The following EXOC1 variants were observed in gnomAD, a reference collection of about 807,000 sequenced individuals.
The protein encoded by EXOC1 is SEC3-like 1.
Under a neutral mutation model 107.7 loss-of-function variants are expected in EXOC1, and 67 were observed. That is an observed-to-expected ratio of 0.62 (90% CI 0.51 to 0.76). EXOC1 has a LOEUF of 0.76. EXOC1 is among the 30% of genes least tolerant of loss of function. EXOC1 has a pLI of 0.00. For missense variants in EXOC1, 833 were observed against 1,055.7 expected (o/e 0.79, Z 2.92); for synonymous variants, 348 against 353.5 (o/e 0.98, Z 0.17).
chr4:55,883,736 A>G, intron 9 of EXOC1, 87 bp from the exon 10 acceptor site: 1 of 742,524 alleles, frequency 1.3e-6, no homozygotes, highest in Non-Finnish European at 2.1e-6. Flanking sequence ...GAAATTTAAA[A>G]CAAGCATGAA....
At chr4:55,870,568 C>A in intron 5 of EXOC1, 110 bp from the exon 6 acceptor site, 1 of 1,016,322 alleles carries the variant, frequency 9.8e-7, no homozygotes, top group Non-Finnish European at 1.5e-6. Context: ...ATGCTACTTT[C>A]AAGGAAATTT....
At position 55,892,677 on chromosome 4, in the gene EXOC1, C is replaced by T. The variant is rs780019089; in HGVS notation, c.1690C>T (p.His564Tyr). The T allele has an allele frequency of 1.2e-6, 2 of 1,614,086 alleles. No homozygotes were observed. Among genetic ancestry groups the T allele is most frequent in the Non-Finnish European group, 8.5e-7 (1 of 1,180,002 alleles). The change falls in exon 14 of 19, where the codon CAT becomes TAT. Residue 564 changes from histidine (H) to tyrosine (Y), a missense_variant. His to Tyr is a moderately conservative substitution (Grantham distance 83). Around this residue, in one of 2 missense-constraint regions of EXOC1, gnomAD observed 617 missense variants for 701.3 expected, o/e 0.88. Transcript: ENST00000381295. ...GGATGGAGGAACATTATCACGGCAA[C>T]ATAATTGTGGCACACCACTGCCTGT... Reference protein sequence around the residue: ...DLDGGTLSRQHNCGTPLPVSS... With the variant: ...DLDGGTLSRQYNCGTPLPVSS...
chr4:55,891,900 A>T (rs779831377), intron 13 of EXOC1, among the ~76,000 whole-genome samples: 1 of 152,190 alleles, frequency 6.6e-6, no homozygotes, highest in Non-Finnish European at 1.5e-5. Flanking sequence ...TAAGCCAGTT[A>T]TTCGATCCCC....
intron 8 of EXOC1, among the ~76,000 whole-genome samples, chr4:55,873,555 G>A (rs1232521303): frequency 6.6e-6 from 1 of 152,098 alleles, no homozygotes; most frequent in African/African-American, 2.4e-5. Flanking sequence ...GTTGTAACAT[G>A]CAGTTATTTA....
At chr4:55,868,304 A>T (rs1266719918) in intron 4 of EXOC1, 32 bp from the exon 5 acceptor site, 2 of 1,564,654 alleles carry the variant, frequency 1.3e-6, no homozygotes, top group Admixed American at 1.8e-5. Flanking sequence ...TACTTTTTTG[A>T]CTATTTTACT....
intron 8 of EXOC1, chr4:55,872,847 G>GT (rs33940201): frequency 0.075 from 51,186 of 678,706 alleles, 3 homozygotes; most frequent in Non-Finnish European, 0.084. Context: ...CTCTGATTCT[G>GT]TTTTTTTTTT....
chr4:55,871,235 T>C lies in EXOC1; in HGVS notation c.964+2T>C. The C allele has an allele frequency of 6.2e-7, 1 of 1,606,582 alleles. No individual in the cohort carries two copies. The highest frequency in any genetic ancestry group is 1.7e-4 in the Middle Eastern group (1 of 6,026). ...GCATGAATGTAGCTCTTCGACCAGG[T>C]ATGTTCATTAGAAATGACAAAAATG... is the stretch of plus-strand genomic sequence containing the variant. On this transcript the variant is annotated splice_donor_variant, in intron 7 of 18. Transcript: ENST00000381295. LOFTEE classifies it high-confidence loss of function.
chr4:55,862,055 A>G (rs1721526494), intron 3 of EXOC1, among the ~76,000 whole-genome samples: 1 of 150,868 alleles, frequency 6.6e-6, no homozygotes. Flanking sequence ...CTCTGTCTCC[A>G]CAAAAAAAAA....
chr4:55,878,435 C>T (rs1157798809), intron 9 of EXOC1, among the ~76,000 whole-genome samples: 1 of 152,104 alleles, frequency 6.6e-6, no homozygotes, highest in Non-Finnish European at 1.5e-5. Flanking sequence ...ATATAAAGTG[C>T]CTCTTTATTA....
intron 8 of EXOC1, chr4:55,877,451 C>G: frequency 1.0e-6 from 1 of 985,194 alleles, no homozygotes; most frequent in South Asian, 4.7e-5. Flanking sequence ...AGCTCTAAGA[C>G]TTTATATTCT....
intron 18 of EXOC1, among the ~76,000 whole-genome samples, chr4:55,903,147 T>TAAAAA (rs10544843): frequency 1.0e-5 from 1 of 98,476 alleles, no homozygotes; most frequent in African/African-American, 3.4e-5. Context: ...GTGTCTCAAT[T>TAAAAA]AAAAAAAAAA....
At chr4:55,875,355 C>T (rs1014540982) in intron 8 of EXOC1, 14 of 790,246 alleles carry the variant, frequency 1.8e-5, no homozygotes, top group Non-Finnish European at 2.1e-5. Flanking sequence ...TGGAACTTTG[C>T]TCAGATTTTT....
intron 4 of EXOC1, among the ~76,000 whole-genome samples, chr4:55,867,863 T>C (rs898374495): frequency 1.3e-5 from 2 of 152,160 alleles, no homozygotes; most frequent in African/African-American, 4.8e-5. Context: ...GGCAAAAATA[T>C]ACATACTGAA....
intron 9 of EXOC1, chr4:55,883,007 T>A (rs1407316565): frequency 6.6e-6 from 1 of 152,142 alleles, no homozygotes; most frequent in Non-Finnish European, 1.5e-5. Context: ...GAGTATATTT[T>A]TATGTGATAA....
chr4:55,859,876 C>A (rs1442865815), intron 2 of EXOC1, among the ~76,000 whole-genome samples: 1 of 152,052 alleles, frequency 6.6e-6, no homozygotes, highest in Non-Finnish European at 1.5e-5. Flanking sequence ...TTTAGAATGA[C>A]CTCACTCAAT....
chr4:55,868,358 T>A lies in EXOC1; in HGVS notation c.438T>A (p.Asn146Lys). Residue 146 changes from asparagine to lysine, a missense_variant, in exon 5 of 19, where the codon AAT becomes AAA. This residue lies in a region of EXOC1 where 617 missense variants were observed against 701.3 expected (regional missense o/e 0.88). Transcript: ENST00000381295. ...AAGAATCTGTTCCAAGTGGAGAAAA[T>A]CAGAGTGTGACAGGAGGTGATGAAG... ...LLEESVPSGE[N>K]QSVTGGDEEV... The A allele has an allele frequency of 6.2e-7, 1 of 1,612,232 alleles. No individual in the cohort carries two copies.
At chr4:55,875,914 A>T in intron 8 of EXOC1, 2 of 917,870 alleles carry the variant, frequency 2.2e-6, no homozygotes, top group Non-Finnish European at 2.6e-6. Flanking sequence ...ATAAAAATAA[A>T]TTTTTAAAAA....
chr4:55,863,346 A>G (rs911989558), intron 3 of EXOC1, among the ~76,000 whole-genome samples: 1 of 152,190 alleles, frequency 6.6e-6, no homozygotes, highest in African/African-American at 2.4e-5. Flanking sequence ...TTATCACATG[A>G]AAGAACGTTA....
rs1455486215 is a variant in EXOC1, at chr4:55,860,511, T to C, written c.225T>C (p.Leu75=). The change falls in exon 3 of 19, where the codon CTT becomes CTC. Residue 75 remains leucine (L), a synonymous_variant. Transcript: ENST00000381295. The part of the protein sequence containing the change: ...KRQIAWALRD[L]AVVDAKDAIK... ...AGATTGCATGGGCCCTTCGAGATCT[T>C]GCTGTGGTAGATGCCAAAGATGCTA... 29 of 1,613,932 alleles carry C rather than the reference T, an allele frequency of 1.8e-5. No homozygotes were observed. Among genetic ancestry groups the C allele is most frequent in the Non-Finnish European group, 1.9e-5 (23 of 1,179,940 alleles).
Sources: allele counts gnomAD v4.1 joint callset (sites outside exome capture counted in the v4.1 genomes callset), GRCh38; gene constraint gnomAD v4.1.1; regional missense constraint gnomAD v4.1.1; transcripts MANE v1.5; gene names NCBI Gene and HGNC (gene_info 2026-07-23, HGNC 2026-07-21).